Variants in CLEC6A observed in about 807,000 individuals in gnomAD.
The protein encoded by CLEC6A is C-type lectin domain containing 6A, also known as C-type lectin domain family 6 member A.
In CLEC6A, 22 loss-of-function variants were observed where a neutral mutation model predicts 25.7. That is an observed-to-expected ratio of 0.85 (90% CI 0.61 to 1.22). CLEC6A has a LOEUF of 1.22. Among genes scored for constraint, CLEC6A ranks in the 50% most tolerant of loss-of-function variants. CLEC6A has a pLI of 0.00. For missense variants in CLEC6A, 240 were observed against 236.8 expected (o/e 1.01, Z -0.09); for synonymous variants, 92 against 76.7 (o/e 1.20, Z -1.04).
At chr12:8,466,988 T>A (rs1939841277) in intron 4 of CLEC6A, among the ~76,000 whole-genome samples, 1 of 152,216 alleles carries the variant, frequency 6.6e-6, no homozygotes. Flanking sequence ...AATGTGTATA[T>A]CTTCTTTGGA....
chr12:8,476,076 C>T (rs762488090), intron 4 of CLEC6A, 49 bp from the exon 5 acceptor site: 15 of 1,236,634 alleles, frequency 1.2e-5, no homozygotes, highest in Admixed American at 1.9e-5. Flanking sequence ...TTACTCTGTT[C>T]AATCTGGAAA....
intron 4 of CLEC6A, among the ~76,000 whole-genome samples, chr12:8,471,549 T>C (rs1939907087): frequency 6.6e-6 from 1 of 152,126 alleles, no homozygotes; most frequent in Non-Finnish European, 1.5e-5. Context: ...TTTCTTCTGT[T>C]ACCTAATTTA....
chr12:8,476,153 C>T lies in CLEC6A; in HGVS notation c.398C>T (p.Ser133Leu). 2 of 1,609,880 alleles carry T rather than the reference C, an allele frequency of 1.2e-6. No homozygotes were observed. The highest frequency in any genetic ancestry group is 2.2e-5 in the South Asian group (2 of 90,910). The part of the protein sequence containing the change: ...QNFIVQQLNE[S>L]FSYFLGLSDP... ...TTCATTGTCCAGCAGCTGAATGAGTCATTTTCTTATTTTCTGGGGCTTTCA... is the reference window on the plus strand; with the variant it reads ...TTCATTGTCCAGCAGCTGAATGAGTTATTTTCTTATTTTCTGGGGCTTTCA... The change falls in exon 5 of 6, where the codon TCA becomes TTA. Residue 133 changes from serine to leucine, a missense_variant. Ser to Leu is a moderately radical substitution (Grantham distance 145). Transcript: ENST00000382073.
At chr12:8,457,856 G>T in intron 1 of CLEC6A, 42 bp from the exon 2 acceptor site, 1 of 1,478,458 alleles carries the variant, frequency 6.8e-7, no homozygotes, top group African/African-American at 1.4e-5. Context: ...TTGGCTCCCT[G>T]GCCCCCTGGT....
At chr12:8,460,896 G>A (rs1939745587) in intron 3 of CLEC6A, 1 of 868,016 alleles carries the variant, frequency 1.2e-6, no homozygotes, top group Non-Finnish European at 2.0e-6. Context: ...ACCAGCCAAA[G>A]TTTGCTCCAA....
chr12:8,474,662 C>T (rs1224975354), intron 4 of CLEC6A, among the ~76,000 whole-genome samples: 3 of 152,280 alleles, frequency 2.0e-5, no homozygotes, highest in Admixed American at 2.0e-4. Flanking sequence ...CAATACACAA[C>T]AAATACTTGT....
intron 4 of CLEC6A, among the ~76,000 whole-genome samples, chr12:8,474,894 A>T (rs113154236): frequency 0.21 from 32,616 of 151,758 alleles, 3,828 homozygotes; most frequent in Middle Eastern, 0.33. Flanking sequence ...TCTTTTTTTT[A>T]AAATTATACT....
At chr12:8,465,651 T>C in intron 4 of CLEC6A, 22 bp downstream of exon 4, 1 of 1,595,970 alleles carries the variant, frequency 6.3e-7, no homozygotes, top group Non-Finnish European at 8.5e-7. Context: ...ATTTAAAATT[T>C]ATTTAATTGT....
Position 8,456,096 on chromosome 12 carries a change from A to G in CLEC6A, c.-16A>G. 1 of 1,613,708 alleles carries G rather than the reference A, an allele frequency of 6.2e-7. No individual in the cohort carries two copies. Among genetic ancestry groups the G allele is most frequent in the Non-Finnish European group, 8.5e-7 (1 of 1,179,746 alleles). ...CAAAAGGTTCCTGGACCTTCTCAAC[A>G]CAGGGAGCCTGCATAATGATGCAAG... On this transcript the variant is annotated 5_prime_UTR_variant, in exon 1 of 6. Coordinates refer to ENST00000382073, the MANE Select transcript of CLEC6A (RefSeq NM_001007033.2).
rs1332344472 is a variant in CLEC6A at position 8,468,551 on chromosome 12, C to G, written c.369+2922C>G. Among the ~76,000 whole-genome samples the G allele has an allele frequency of 3.3e-5, 5 of 152,168 alleles. No homozygotes were observed. In the East Asian group the frequency reaches 9.6e-4, roughly 29 times the overall value. ...AAAAGAAGTGATGAGATTAGGCATT[C>G]TTGCCTTGTTCTGAATCTTAGAGGA... On this transcript the variant is annotated intron_variant, in intron 4 of 5. Transcript: ENST00000382073.
Position 8,460,530 on chromosome 12 carries a change from T to C in CLEC6A, c.223+832T>C, listed in dbSNP as rs754145077. On this transcript the variant is annotated intron_variant, in intron 3 of 5. Transcript: ENST00000382073. ...AGTACAATTCAAGGTGAGATTTGGGTGGAGACAGAGAACCAAACCATATCA... is the reference window on the plus strand; with the variant it reads ...AGTACAATTCAAGGTGAGATTTGGGCGGAGACAGAGAACCAAACCATATCA... 7 of 675,284 alleles carry C rather than the reference T, an allele frequency of 1.0e-5. No individual in the cohort carries two copies. The East Asian group carries it at 1.8e-4, about 18-fold the overall frequency. 41.8% of individuals were successfully genotyped at this position (675,284 alleles called of 1,614,324 possible).
At chr12:8,465,066 A>C (rs1939812224) in intron 3 of CLEC6A, among the ~76,000 whole-genome samples, 1 of 152,196 alleles carries the variant, frequency 6.6e-6, no homozygotes, top group African/African-American at 2.4e-5. Context: ...CACAATTCTA[A>C]TTCTCATAAC....
chr12:8,456,017 T>C lies in CLEC6A; in HGVS notation c.-95T>C, dbSNP rs1411916739. On this transcript the variant is annotated 5_prime_UTR_variant, in exon 1 of 6. Coordinates refer to ENST00000382073, the MANE Select transcript of CLEC6A (RefSeq NM_001007033.2). ...TGTGTAGCAGTTTGTCCCTGAGCTCTAGCTTCTTTAAATGAAGCTGAGTCT... is the reference window on the plus strand; with the variant it reads ...TGTGTAGCAGTTTGTCCCTGAGCTCCAGCTTCTTTAAATGAAGCTGAGTCT... 9.3e-6 allele frequency: 11 copies of C among 1,186,914 alleles called. No individual in the cohort carries two copies. Among genetic ancestry groups the C allele is most frequent in the Non-Finnish European group, 1.4e-5 (11 of 797,194 alleles). The allele number at this position is 1,186,914 out of a possible 1,614,324, so 73.5% of individuals were successfully genotyped here.
chr12:8,462,751 G>A (rs1354810650), intron 3 of CLEC6A, among the ~76,000 whole-genome samples: 284 of 138,786 alleles, frequency 2.0e-3, no homozygotes, highest in Admixed American at 5.3e-3. Flanking sequence ...CTCAGAGGCT[G>A]GCGGGATCCT....
At chr12:8,464,904 A>G (rs1290183941) in intron 3 of CLEC6A, among the ~76,000 whole-genome samples, 1 of 152,190 alleles carries the variant, frequency 6.6e-6, no homozygotes, top group African/African-American at 2.4e-5. Flanking sequence ...TATGTTAAGC[A>G]CCTTTTAAAA....
Position 8,471,299 on chromosome 12 carries a change from CA to C in CLEC6A, c.370-4823del, listed in dbSNP as rs916268394. ...GATACCAGGAAAATGCTGATCTCATCAAATGAGTTCAGAAATATTTCCTCCT... is the reference window on the plus strand; with the variant it reads ...GATACCAGGAAAATGCTGATCTCATCAATGAGTTCAGAAATATTTCCTCCT... On this transcript the variant is annotated intron_variant, in intron 4 of 5. Coordinates refer to ENST00000382073, the MANE Select transcript of CLEC6A (RefSeq NM_001007033.2). Among the ~76,000 whole-genome samples, 2 of 152,012 alleles carry C rather than the reference CA, an allele frequency of 1.3e-5. 1 individual carries two copies. Among genetic ancestry groups the C allele is most frequent in the African/African-American group, 4.8e-5 (2 of 41,436 alleles).
At chr12:8,476,614 C>T (rs947427447) in intron 5 of CLEC6A, among the ~76,000 whole-genome samples, 1 of 151,990 alleles carries the variant, frequency 6.6e-6, no homozygotes, top group African/African-American at 2.4e-5. Flanking sequence ...GAACTATGTA[C>T]AATTTTAGTA....
At chr12:8,465,854 G>A (rs4567543) in intron 4 of CLEC6A, among the ~76,000 whole-genome samples, 150,160 of 152,312 alleles carry the variant, frequency 0.99, 74,058 homozygotes, top group East Asian at 1. Context: ...TCACTCCTCT[G>A]CTTTCTGTTT....
At chr12:8,469,858 C>T (rs1056235918) in intron 4 of CLEC6A, among the ~76,000 whole-genome samples, 1 of 152,144 alleles carries the variant, frequency 6.6e-6, no homozygotes, top group Admixed American at 6.6e-5. Flanking sequence ...AAAAACCCTT[C>T]TAGACATTGG....
Sources: allele counts gnomAD v4.1 joint callset (sites outside exome capture counted in the v4.1 genomes callset), GRCh38; gene constraint gnomAD v4.1.1; transcripts MANE v1.5; gene names NCBI Gene and HGNC (gene_info 2026-07-23, HGNC 2026-07-21).